Variants in PPARGC1A observed in about 807,000 individuals in gnomAD.
PPARGC1A encodes PPARG coactivator 1 alpha.
Under a neutral mutation model 88.7 loss-of-function variants are expected in PPARGC1A, and 25 were observed. The ratio of observed to expected loss-of-function variants is 0.28; its 90% CI spans 0.21 to 0.39. The LOEUF is 0.39. Ranked by LOEUF, PPARGC1A falls within the 10% of genes least tolerant of loss-of-function variation. PPARGC1A has a pLI of 1.00. For synonymous variants in PPARGC1A, 363 were observed against 355.6 expected, an observed-to-expected ratio of 1.02 and a Z score of -0.24; for missense variants, 880 against 968.7, an observed-to-expected ratio of 0.91 and a Z score of 1.22.
chr4:23,864,739 G>T (rs1711531792), intron 2 of PPARGC1A, among the ~76,000 whole-genome samples: 1 of 152,236 alleles, frequency 6.6e-6, no homozygotes, highest in African/African-American at 2.4e-5. Flanking sequence ...AGGCAACCTG[G>T]TGTGTGCTGT....
chr4:23,859,791 AAAAT>A (rs1730895298), intron 2 of PPARGC1A, among the ~76,000 whole-genome samples: 1 of 4,700 alleles, frequency 2.1e-4, no homozygotes, highest in East Asian at 2.7e-3. Context: ...AAAATAAAAT[AAAAT>A]AAAATAAAAT....
the PPARGC1A span, among the ~76,000 whole-genome samples, chr4:23,999,073 G>A: frequency 5.9e-5 from 9 of 152,110 alleles, no homozygotes; most frequent in South Asian, 2.1e-4. Flanking sequence ...CCTATGTTTC[G>A]TTTGGGCTGG....
the PPARGC1A span, among the ~76,000 whole-genome samples, chr4:23,961,459 G>A: frequency 2.6e-5 from 4 of 151,996 alleles, no homozygotes; most frequent in Admixed American, 6.5e-5. Flanking sequence ...ACTAGACATC[G>A]CCCCTGCTTC....
intron 2 of PPARGC1A, among the ~76,000 whole-genome samples, chr4:23,879,368 T>C (rs1409431883): frequency 6.6e-6 from 1 of 152,152 alleles, no homozygotes; most frequent in East Asian, 1.9e-4. Context: ...TGGATTGGGT[T>C]AAATATGTTC....
chr4:23,980,574 G>A, the PPARGC1A span, among the ~76,000 whole-genome samples: 2 of 152,142 alleles, frequency 1.3e-5, no homozygotes, highest in African/African-American at 2.4e-5. Flanking sequence ...CAATCGAAGG[G>A]ATATAAAGAA....
chr4:24,163,171 T>C, the PPARGC1A span, among the ~76,000 whole-genome samples: 1 of 149,176 alleles, frequency 6.7e-6, no homozygotes. Context: ...TCAACAGCAA[T>C]GCCATTTGTG....
the PPARGC1A span, among the ~76,000 whole-genome samples, chr4:24,175,538 C>CTTTTTTTTTT: frequency 0.015 from 1,251 of 84,844 alleles, 1 homozygote; most frequent in African/African-American, 0.019. Flanking sequence ...CCACACCAAG[C>CTTTTTTTTTT]TTTTTTTTTT....
At chr4:24,109,009 C>T in the PPARGC1A span, among the ~76,000 whole-genome samples, 1 of 150,188 alleles carries the variant, frequency 6.7e-6, no homozygotes, top group Non-Finnish European at 1.5e-5. Flanking sequence ...CACACACACA[C>T]ACACACACAC....
Position 23,829,497 on chromosome 4 carries a change from T to G in PPARGC1A, c.518A>C (p.Asn173Thr). Residue 173 changes from asparagine (N) to threonine (T), a missense_variant, in exon 4 of 13, where the codon AAT (asparagine) becomes ACT (threonine). By Grantham distance (65) the Asn-to-Thr change is moderately conservative. Coordinates refer to ENST00000264867, the MANE Select transcript of PPARGC1A (RefSeq NM_013261.5). ...TGCAGGGTTTGTTCTGATCCTGTGA[T>G]TGTGATTTGCATGGTTCTGGGTACT... Reference protein sequence around the residue: ...GLSTQNHANHNHRIRTNPAIV... With the variant: ...GLSTQNHANHTHRIRTNPAIV... 5 of 1,613,870 alleles carry G rather than the reference T, an allele frequency of 3.1e-6. No individual in the cohort carries two copies. Among genetic ancestry groups the G allele is most frequent in the Non-Finnish European group, 4.2e-6 (5 of 1,179,756 alleles).
the PPARGC1A span, among the ~76,000 whole-genome samples, chr4:24,465,928 T>C: frequency 2.0e-5 from 3 of 152,252 alleles, no homozygotes; most frequent in Non-Finnish European, 4.4e-5. Flanking sequence ...CTCATGACAG[T>C]GTATCCCTCA....
At chr4:24,337,650 C>G in the PPARGC1A span, among the ~76,000 whole-genome samples, 98 of 149,394 alleles carry the variant, frequency 6.6e-4, no homozygotes, top group African/African-American at 2.2e-3. Flanking sequence ...CATTTACCCT[C>G]AGAACACCTC....
the PPARGC1A span, among the ~76,000 whole-genome samples, chr4:23,994,014 C>G: frequency 6.6e-6 from 1 of 151,964 alleles, no homozygotes; most frequent in East Asian, 1.9e-4. Context: ...TGAGGTTAAA[C>G]AAAGAAAGAA....
intron 2 of PPARGC1A, chr4:23,879,969 A>C (rs1337173660): frequency 1.3e-5 from 2 of 152,160 alleles, no homozygotes; most frequent in African/African-American, 4.8e-5. Context: ...CGTCTATGAA[A>C]ACGCTCTGCT....
the PPARGC1A span, among the ~76,000 whole-genome samples, chr4:24,092,637 A>G: frequency 6.6e-6 from 1 of 152,190 alleles, no homozygotes; most frequent in Non-Finnish European, 1.5e-5. Flanking sequence ...TTTTGTCCCA[A>G]AATGAATTGA....
the PPARGC1A span, among the ~76,000 whole-genome samples, chr4:24,460,856 A>T: frequency 6.6e-6 from 1 of 152,230 alleles, no homozygotes. Flanking sequence ...ATTGAAGTAT[A>T]ATAAATCCAA....
the PPARGC1A span, among the ~76,000 whole-genome samples, chr4:24,305,328 T>G: frequency 1.3e-5 from 2 of 151,568 alleles, no homozygotes; most frequent in African/African-American, 4.8e-5. Context: ...ACTTTGAGAG[T>G]GAAACAGATC....
At chr4:24,352,924 C>T in the PPARGC1A span, among the ~76,000 whole-genome samples, 1 of 152,098 alleles carries the variant, frequency 6.6e-6, no homozygotes, top group African/African-American at 2.4e-5. Context: ...TCTGGAGTTC[C>T]CTACCAGTAA....
At chr4:24,008,361 GGCA>G in the PPARGC1A span, among the ~76,000 whole-genome samples, 1 of 152,078 alleles carries the variant, frequency 6.6e-6, no homozygotes, top group Admixed American at 6.5e-5. Context: ...TTTCCCCCTT[GGCA>G]GATATTGACT....
chr4:23,913,360 A>G, the PPARGC1A span, among the ~76,000 whole-genome samples: 1 of 149,596 alleles, frequency 6.7e-6, no homozygotes, highest in Admixed American at 6.7e-5. Context: ...CTTCCAACTT[A>G]CTGAATTCTC....
Sources: gnomAD v4.1 joint callset for allele counts (sites outside exome capture counted in the v4.1 genomes callset) on GRCh38, gnomAD v4.1.1 for gene constraint, MANE v1.5 for transcripts, NCBI Gene and HGNC (gene_info 2026-07-23, HGNC 2026-07-21) for gene names.